The following TST variants were observed in gnomAD, a reference collection of about 807,000 sequenced individuals.
TST encodes the protein epididymis secretory sperm binding protein.
In TST, 22 loss-of-function variants were observed where a neutral mutation model predicts 20.4. That is an observed-to-expected ratio of 1.08 (90% confidence interval 0.77 to 1.54). The LOEUF (loss-of-function observed/expected upper bound fraction) is 1.54, where lower values mean the gene tolerates loss of function less well. TST is among the 40% of genes most tolerant of loss of function. TST has a pLI of 0.00. For missense variants in TST, 392 were observed against 405.2 expected, an observed-to-expected ratio of 0.97 and a Z score of 0.28; for synonymous variants, 187 against 173.8, an observed-to-expected ratio of 1.08 and a Z score of -0.60.
intron 2 of TST, among the ~76,000 whole-genome samples, 193 bp from the exon 3 acceptor site, chr22:37,011,518 C>G (rs562770784): frequency 2.0e-5 from 3 of 152,344 alleles, no homozygotes; most frequent in African/African-American, 7.2e-5. Context: ...ATGCCTGCAA[C>G]TCCTCTCCTA....
chr22:37,014,741 G>A (rs1354810454), intron 2 of TST, among the ~76,000 whole-genome samples: 2 of 152,322 alleles, frequency 1.3e-5, no homozygotes, highest in East Asian at 1.9e-4. Flanking sequence ...AGGAGACTGA[G>A]GCTGGGGAAT....
Position 37,018,268 on chromosome 22 carries a change from G to A in TST, c.465C>T (p.Ala155=), listed in dbSNP as rs771434047. ...PSRPEPAVFK[A]TLDRSLLKTY... is the part of the protein sequence containing the mutation. ...TCTTGAGCAGGGAGCGGTCCAGTGT[G>A]GCTTTGAAGACGGCCGGTTCTGGGC... The change falls in exon 2 of 3, where the codon GCC becomes GCT. Residue 155 remains alanine, a synonymous_variant. Transcript: ENST00000249042. The A allele has an allele frequency of 3.7e-6, 6 of 1,614,092 alleles. No individual in the cohort carries two copies. Among genetic ancestry groups the A allele is most frequent in the Non-Finnish European group, 4.2e-6 (5 of 1,180,028 alleles).
intron 1 of TST, 117 bp from the exon 2 acceptor site, chr22:37,018,870 T>C: frequency 2.7e-6 from 2 of 729,988 alleles, no homozygotes; most frequent in Non-Finnish European, 4.1e-6. Flanking sequence ...GGGTTCCTTG[T>C]TTACAGCAAG....
chr22:37,015,636 C>T (rs1433008883), intron 2 of TST, among the ~76,000 whole-genome samples: 1 of 152,230 alleles, frequency 6.6e-6, no homozygotes, highest in Admixed American at 6.5e-5. Context: ...GCTTCTCGCT[C>T]CATTTAGGGT....
At position 37,011,227 on chromosome 22, in the gene TST, G is replaced by T; in HGVS notation, c.694C>A (p.Leu232Met). 6.2e-7 allele frequency: 1 copy of T among 1,614,060 alleles called. No homozygotes were observed. The change falls in exon 3 of 3, where the codon CTG (leucine) becomes ATG (methionine). Residue 232 changes from leucine (L) to methionine (M), a missense_variant. Physicochemically the swap from Leu to Met is conservative, Grantham distance 15 (BLOSUM62 2). Coordinates refer to ENST00000249042, the MANE Select transcript of TST (RefSeq NM_003312.6). ...AGATCCACCTTCTTGGTCTGGAACA[G>T]AGCACGGAGCTCTTCTGGGCCCTTC... ...FEKGPEELRA[L>M]FQTKKVDLSQ...
intron 2 of TST, among the ~76,000 whole-genome samples, chr22:37,017,498 C>A (rs1010683304): frequency 8.5e-5 from 13 of 152,200 alleles, no homozygotes; most frequent in African/African-American, 3.1e-4. Context: ...AGTCCCCCCA[C>A]CCCCCGCTGC....
upstream of TST, chr22:37,019,765 T>G (rs1371215432): frequency 3.0e-6 from 2 of 672,066 alleles, no homozygotes; most frequent in Non-Finnish European, 4.2e-6. Context: ...CTCCCTTTGG[T>G]CCGCTGCAGG....
rs762920838 is a variant in TST, at chr22:37,018,283, C to A, written c.450G>T (p.Pro150=). 1.2e-6 allele frequency: 2 copies of A among 1,614,064 alleles called. No homozygotes were observed. The highest frequency in any genetic ancestry group is 1.7e-6 in the Non-Finnish European group (2 of 1,180,028). ...PVTSEPSRPE[P]AVFKATLDRS... is the part of the protein sequence containing the mutation. ...GGTCCAGTGTGGCTTTGAAGACGGCCGGTTCTGGGCGTGAGGGCTCGGATG... is the reference window on the plus strand; with the variant it reads ...GGTCCAGTGTGGCTTTGAAGACGGCAGGTTCTGGGCGTGAGGGCTCGGATG... Residue 150 remains proline (P), a synonymous_variant, in exon 2 of 3, where the codon CCG becomes CCT. Transcript: ENST00000249042.
chr22:37,018,901 A>G (rs1057186743), intron 1 of TST, 148 bp from the exon 2 acceptor site: 14 of 558,104 alleles, frequency 2.5e-5, no homozygotes, highest in Non-Finnish European at 4.1e-5. Context: ...TGGGGCGTGC[A>G]GCGGGATAAG....
Position 37,013,225 on chromosome 22 carries a change from G to C in TST, c.596-1900C>G, listed in dbSNP as rs895371707. Reference sequence around the variant, plus strand: ...TCCAAAATCTATTAGTACAAGTCGAGTTTGATTGGCAGTGGTGTTTACAAT... The same window carrying C: ...TCCAAAATCTATTAGTACAAGTCGACTTTGATTGGCAGTGGTGTTTACAAT... On this transcript the variant is annotated intron_variant, in intron 2 of 2. Coordinates refer to ENST00000249042, the MANE Select transcript of TST (RefSeq NM_003312.6). 3.3e-5 allele frequency: 5 copies of C among 152,272 alleles called. 1 individual carries two copies. The South Asian group carries it at 1.0e-3, about 32-fold the overall frequency. The allele number at this position is 152,272 out of a possible 1,614,324, so 9.4% of individuals were successfully genotyped here. A position where few individuals can be genotyped will look rare whatever the true frequency, so the allele number is the denominator to read the frequency against.
intron 2 of TST, among the ~76,000 whole-genome samples, chr22:37,015,241 G>A (rs1416024912): frequency 6.6e-6 from 1 of 152,198 alleles, no homozygotes; most frequent in Non-Finnish European, 1.5e-5. Context: ...GCTGCTGTAG[G>A]TGTCCAGAAG....
chr22:37,016,947 G>T, intron 2 of TST, among the ~76,000 whole-genome samples: 1 of 152,318 alleles, frequency 6.6e-6, no homozygotes, highest in African/African-American at 2.4e-5. Flanking sequence ...CCAGCTCTAA[G>T]AGTGTGCAGA....
chr22:37,011,752 C>T (rs888474992), intron 2 of TST, among the ~76,000 whole-genome samples: 1 of 152,168 alleles, frequency 6.6e-6, no homozygotes, highest in Admixed American at 6.5e-5. Context: ...GAGAACACAG[C>T]GGTGAAAGGC....
At chr22:37,015,613 G>A (rs901723384) in intron 2 of TST, among the ~76,000 whole-genome samples, 1 of 152,248 alleles carries the variant, frequency 6.6e-6, no homozygotes, top group Non-Finnish European at 1.5e-5. Flanking sequence ...TGGCCGCCAG[G>A]TGTCTAAGCT....
At chr22:37,012,805 G>A (rs533668260) in intron 2 of TST, among the ~76,000 whole-genome samples, 31 of 152,294 alleles carry the variant, frequency 2.0e-4, no homozygotes, top group African/African-American at 7.0e-4. Context: ...CAGCACTTTG[G>A]GAGGCTGAGG....
At position 37,011,417 on chromosome 22, in the gene TST, A is replaced by T; in HGVS notation, c.596-92T>A. 2.2e-6 allele frequency: 3 copies of T among 1,353,964 alleles called. No homozygotes were observed. The South Asian group carries it at 4.2e-5, about 19-fold the overall frequency. 83.9% of individuals were successfully genotyped at this position (1,353,964 alleles called of 1,614,324 possible). On this transcript the variant is annotated intron_variant, in intron 2 of 2. Coordinates refer to ENST00000249042, the MANE Select transcript of TST (RefSeq NM_003312.6). The stretch of plus-strand genomic sequence containing the variant: ...TTCCATCAGCTATAGCTGGAAGGAT[A>T]GATAGCTTTGCAAATAAAAATAACA...
chr22:37,019,871 G>T, upstream of TST: 1 of 1,220,324 alleles, frequency 8.2e-7, no homozygotes. Flanking sequence ...TCCGAGACCC[G>T]GGTAACTGCC....
chr22:37,019,857 G>C (rs561530558), upstream of TST: 5 of 1,223,548 alleles, frequency 4.1e-6, no homozygotes, highest in South Asian at 2.1e-4. Context: ...CAGGAAGCCG[G>C]GAGTCCGAGA....
At chr22:37,019,894 C>T (rs1209956440), upstream of TST, 20 of 1,190,138 alleles carry the variant, frequency 1.7e-5, no homozygotes, top group Non-Finnish European at 2.1e-5. Flanking sequence ...GGCGTGGCGG[C>T]TTGCCTTTCT....
Sources: allele counts gnomAD v4.1 joint callset (sites outside exome capture counted in the v4.1 genomes callset), GRCh38; gene constraint gnomAD v4.1.1; transcripts MANE v1.5; gene names NCBI Gene and HGNC (gene_info 2026-07-23, HGNC 2026-07-21).